Variants in AKAP10 observed in about 807,000 individuals in gnomAD.
The protein encoded by AKAP10 is A-kinase anchor protein 10, mitochondrial.
In AKAP10, 24 loss-of-function variants were observed where a neutral mutation model predicts 80.8. The observed-to-expected ratio is 0.30, with a 90% CI of 0.22 to 0.42. AKAP10 has a LOEUF of 0.42. Ranked by LOEUF, AKAP10 falls within the 10% of genes least tolerant of loss-of-function variation. The pLI is 1.00. For synonymous variants in AKAP10, 291 were observed against 277.7 expected (o/e 1.05, Z -0.48); for missense variants, 661 against 794.9 (o/e 0.83, Z 2.03).
rs1165294102 is a variant in AKAP10, at chr17:19,962,285, T to TAC, written c.319+553_319+554dup. Among the ~76,000 whole-genome samples, 5 of 134,838 alleles carry TAC rather than the reference T, an allele frequency of 3.7e-5. No individual in the cohort carries two copies. In the East Asian group the frequency reaches 1.0e-3, roughly 28 times the overall value. 88.5% of individuals were successfully genotyped at this position (134,838 alleles called of 152,430 possible). On this transcript the variant is annotated intron_variant, in intron 3 of 14. Coordinates refer to ENST00000225737, the MANE Select transcript of AKAP10 (RefSeq NM_007202.4). ...CAACATACATACATACATACATACA[T>TAC]ACATACATATACACACACACACACA...
chr17:19,953,047 A>G (rs986426097), intron 4 of AKAP10, among the ~76,000 whole-genome samples: 1 of 152,162 alleles, frequency 6.6e-6, no homozygotes, highest in African/African-American at 2.4e-5. Context: ...AATAAATGAA[A>G]TCATTCAAAA....
Position 19,909,161 on chromosome 17 carries a change from C to CA in AKAP10, c.1983+19dup, listed in dbSNP as rs1567749211. The CA allele has an allele frequency of 6.3e-7, 1 of 1,577,626 alleles. No individual in the cohort carries two copies. The highest frequency in any genetic ancestry group is 1.2e-5 in the South Asian group (1 of 85,612). On this transcript the variant is annotated intron_variant, in intron 14 of 14. Transcript: ENST00000225737. ...GGAAAATAATACTTTTTAGTTTACA[C>CA]AAAACGAAGTCATCCTTACCTTTGT...
In AKAP10 at chr17:19,965,320, C is replaced by T. The variant is rs2043402678; in HGVS notation, c.137-2298G>A. On this transcript the variant is annotated intron_variant, in intron 2 of 14. Coordinates refer to ENST00000225737, the MANE Select transcript of AKAP10 (RefSeq NM_007202.4). ...CATTTACTTACCTGTTTATTTTTAA[C>T]ACCTCACCCTCAGTGCAAGTCTTTC... is the stretch of plus-strand genomic sequence containing the variant. Among the ~76,000 whole-genome samples the T allele has an allele frequency of 2.0e-5, 3 of 152,306 alleles. No homozygotes were observed. In the South Asian group the frequency reaches 6.2e-4, roughly 32 times the overall value.
chr17:19,908,586 G>A (rs2042656537), intron 14 of AKAP10, among the ~76,000 whole-genome samples: 1 of 152,120 alleles, frequency 6.6e-6, no homozygotes, highest in South Asian at 2.1e-4. Flanking sequence ...TTTCTGGGCA[G>A]CTTCCTCTTT....
intron 3 of AKAP10, among the ~76,000 whole-genome samples, chr17:19,959,454 A>G (rs1173371585): frequency 6.6e-6 from 1 of 152,222 alleles, no homozygotes; most frequent in African/African-American, 2.4e-5. Flanking sequence ...TCAGTCCAGT[A>G]ATTCCACTTG....
intron 12 of AKAP10, among the ~76,000 whole-genome samples, chr17:19,916,056 T>C (rs986493825): frequency 6.6e-6 from 1 of 152,210 alleles, no homozygotes; most frequent in Admixed American, 6.5e-5. Flanking sequence ...TGTTCCTTGA[T>C]CATGCTGAGC....
chr17:19,937,514 A>C (rs897255841), intron 8 of AKAP10, among the ~76,000 whole-genome samples: 1 of 152,190 alleles, frequency 6.6e-6, no homozygotes, highest in East Asian at 1.9e-4. Flanking sequence ...AAAATAAAAA[A>C]GAAGAAAAAA....
intron 4 of AKAP10, among the ~76,000 whole-genome samples, chr17:19,955,196 C>T (rs554264699): frequency 8.0e-5 from 12 of 150,162 alleles, no homozygotes; most frequent in African/African-American, 4.9e-5. Context: ...CACTCCAGCT[C>T]GGGCGACAGA....
At chr17:19,940,305 G>C (rs2043038595) in intron 7 of AKAP10, among the ~76,000 whole-genome samples, 1 of 152,200 alleles carries the variant, frequency 6.6e-6, no homozygotes, top group Admixed American at 6.5e-5. Flanking sequence ...TTCTTGTAAA[G>C]AGGCAGAATC....
intron 3 of AKAP10, among the ~76,000 whole-genome samples, chr17:19,959,399 AG>A (rs1332957504): frequency 6.6e-6 from 1 of 152,182 alleles, no homozygotes; most frequent in Non-Finnish European, 1.5e-5. Flanking sequence ...TTTTTGGAGG[AG>A]CATTCAGGAA....
chr17:19,929,721 G>C (rs1337328416), intron 10 of AKAP10: 4 of 152,216 alleles, frequency 2.6e-5, no homozygotes, highest in African/African-American at 7.2e-5. Flanking sequence ...GCTCATGCCT[G>C]CAATCCCAGC....
In AKAP10 at chr17:19,946,234, ATATTAT is replaced by A. The variant is rs1477833885; in HGVS notation, c.976+1167_976+1172del. Among the ~76,000 whole-genome samples the A allele has an allele frequency of 8.6e-3, 148 of 17,254 alleles. 9 individuals carry two copies. The highest frequency in any genetic ancestry group is 0.056 in the Middle Eastern group (2 of 36). 11.3% of individuals were successfully genotyped at this position (17,254 alleles called of 152,430 possible). ...ATATATATATATTTTATATATATAT[ATATTAT>A]ATATATATATATATATATATATATA... is the stretch of plus-strand genomic sequence containing the variant. On this transcript the variant is annotated intron_variant, in intron 5 of 14. Coordinates refer to ENST00000225737, the MANE Select transcript of AKAP10 (RefSeq NM_007202.4).
intron 14 of AKAP10, among the ~76,000 whole-genome samples, chr17:19,907,410 C>CTTTTTTTTTTTTTTTTTTTTT (rs59027197): frequency 7.3e-6 from 1 of 136,412 alleles, no homozygotes; most frequent in Non-Finnish European, 1.6e-5. Context: ...TTTTCTTTAA[C>CTTTTTTTTTTTTTTTTTTTTT]TTTTTTTTTT....
At chr17:19,954,651 A>ATTTTTTTTTTTTTTTTTTTT (rs575010093) in intron 4 of AKAP10, among the ~76,000 whole-genome samples, 1 of 140,098 alleles carries the variant, frequency 7.1e-6, no homozygotes, top group African/African-American at 2.6e-5. Flanking sequence ...CGCCCGGCTA[A>ATTTTTTTTTTTTTTTTTTTT]TTTTTTTTTT....
At chr17:19,941,157 CT>C in intron 6 of AKAP10, 147 bp from the exon 7 acceptor site, 1 of 827,466 alleles carries the variant, frequency 1.2e-6, no homozygotes. Flanking sequence ...TTCCTGATTC[CT>C]TTACCTGTAT....
At chr17:19,947,534 C>G in intron 4 of AKAP10, 29 bp from the exon 5 acceptor site, 1 of 1,499,194 alleles carries the variant, frequency 6.7e-7, no homozygotes, top group Non-Finnish European at 9.3e-7. Context: ...ACTTCAAAAA[C>G]CAAAAAGCAA....
At chr17:19,959,447 G>A (rs544619785) in intron 3 of AKAP10, among the ~76,000 whole-genome samples, 30 of 152,284 alleles carry the variant, frequency 2.0e-4, no homozygotes, top group African/African-American at 7.2e-4. Context: ...ATTATTTTCA[G>A]TCCAGTAATT....
intron 10 of AKAP10, among the ~76,000 whole-genome samples, chr17:19,926,674 G>T (rs2042878154): frequency 6.6e-6 from 1 of 152,140 alleles, no homozygotes; most frequent in Non-Finnish European, 1.5e-5. Context: ...TATTTATAAT[G>T]GAATCGAAAA....
At chr17:19,925,685 A>G (rs1296662309) in intron 10 of AKAP10, among the ~76,000 whole-genome samples, 1 of 152,106 alleles carries the variant, frequency 6.6e-6, no homozygotes, top group Non-Finnish European at 1.5e-5. Flanking sequence ...AATTGAACAG[A>G]CACTTATAGA....
Sources: allele counts gnomAD v4.1 joint callset (sites outside exome capture counted in the v4.1 genomes callset), GRCh38; gene constraint gnomAD v4.1.1; transcripts MANE v1.5; gene names NCBI Gene and HGNC (gene_info 2026-07-23, HGNC 2026-07-21).